The following N4BP2L2 variants were observed in gnomAD, a reference collection of about 807,000 sequenced individuals.
N4BP2L2 encodes the protein NEDD4-binding protein 2-like 2.
N4BP2L2 carries 50 observed loss-of-function variants against 56.2 expected under a neutral mutation model. The ratio of observed to expected loss-of-function variants is 0.89; its 90% CI spans 0.71 to 1.13. The LOEUF (loss-of-function observed/expected upper bound fraction) is 1.13, where lower values mean the gene tolerates loss of function less well. Among genes scored for constraint, N4BP2L2 ranks in the 50% most tolerant of loss-of-function variants. The pLI, the probability that N4BP2L2 is intolerant of heterozygous loss-of-function variation, is 0.00. For missense variants in N4BP2L2, 689 were observed against 693.8 expected (o/e 0.99, Z 0.08); for synonymous variants, 203 against 223.6 (o/e 0.91, Z 0.82).
intron 6 of N4BP2L2, chr13:32,504,384 G>A (rs1236581836): frequency 1.3e-5 from 2 of 152,210 alleles, no homozygotes; most frequent in Admixed American, 6.5e-5. Flanking sequence ...TCCTCAGTTT[G>A]TAGATGGCCT....
exon 2 of N4BP2L2, chr13:32,536,341 C>T (rs1461249649): frequency 1.2e-6 from 2 of 1,614,010 alleles, no homozygotes; most frequent in South Asian, 1.1e-5. Context: ...AATGTGATGG[C>T]ATAGCTTTAT....
At position 32,443,357 on chromosome 13, in the gene N4BP2L2, T is replaced by A; in HGVS notation, c.1135A>T (p.Lys379Ter). Residue 379 changes from lysine (K) to a stop codon, truncating the protein, a stop_gained, in exon 7 of 10, where the codon AAG (lysine) becomes TAG (stop). Coordinates refer to the N4BP2L2 transcript ENST00000357505. LOFTEE classifies it high-confidence loss of function. Reference sequence around the variant, plus strand: ...TTTGGTCTCTGTTCACATATAAACTTATGAGGTCCTGCAGGCCAGCTACCA... The same window carrying A: ...TTTGGTCTCTGTTCACATATAAACTAATGAGGTCCTGCAGGCCAGCTACCA... 6.2e-7 allele frequency: 1 copy of A among 1,614,028 alleles called. No homozygotes were observed. The highest frequency in any genetic ancestry group is 8.5e-7 in the Non-Finnish European group (1 of 1,179,894).
chr13:32,468,939 T>C (rs527866123), intron 6 of N4BP2L2, among the ~76,000 whole-genome samples: 1 of 151,940 alleles, frequency 6.6e-6, no homozygotes, highest in East Asian at 1.9e-4. Flanking sequence ...TGTGTGGGAG[T>C]GGCAGGAGCT....
chr13:32,538,066 G>C (rs1378669982), intron 1 of N4BP2L2, among the ~76,000 whole-genome samples: 2 of 98,410 alleles, frequency 2.0e-5, no homozygotes, highest in Non-Finnish European at 3.9e-5. Flanking sequence ...GGGAGACCCC[G>C]TCTTGGGGGG....
intron 6 of N4BP2L2, among the ~76,000 whole-genome samples, chr13:32,456,531 G>C (rs1308807507): frequency 6.6e-6 from 1 of 152,116 alleles, no homozygotes; most frequent in Non-Finnish European, 1.5e-5. Context: ...GATTCCAGTG[G>C]AAAATAATTT....
intron 6 of N4BP2L2, among the ~76,000 whole-genome samples, chr13:32,494,728 T>C (rs1230761166): frequency 2.0e-5 from 3 of 152,290 alleles, no homozygotes; most frequent in South Asian, 2.1e-4. Context: ...ATCGCGCCAC[T>C]GCACTCCAGC....
At chr13:32,458,954 A>C (rs1303287759) in intron 6 of N4BP2L2, among the ~76,000 whole-genome samples, 1 of 152,226 alleles carries the variant, frequency 6.6e-6, no homozygotes, top group Non-Finnish European at 1.5e-5. Context: ...CTCAGACAAC[A>C]ATGGAATAAA....
chr13:32,443,837 C>G (rs377374833), exon 7 of N4BP2L2: 3 of 1,577,884 alleles, frequency 1.9e-6, no homozygotes, highest in Non-Finnish European at 2.6e-6. Flanking sequence ...TGGAAACTGT[C>G]TTTAGGATCT....
chr13:32,536,763 T>C (rs750023236), exon 2 of N4BP2L2: 8 of 1,614,052 alleles, frequency 5.0e-6, no homozygotes, highest in Middle Eastern at 1.6e-4. Flanking sequence ...TCTGGTCTAT[T>C]ACCAGGCATC....
chr13:32,471,772 A>G (rs703226), intron 6 of N4BP2L2, among the ~76,000 whole-genome samples: 96,294 of 152,114 alleles, frequency 0.63, 30,570 homozygotes, highest in Middle Eastern at 0.71. Flanking sequence ...GTGAGCTGCT[A>G]ATGAAAGAGC....
chr13:32,530,240 A>G (rs2054326641), intron 2 of N4BP2L2, among the ~76,000 whole-genome samples: 1 of 152,206 alleles, frequency 6.6e-6, no homozygotes, highest in South Asian at 2.1e-4. Flanking sequence ...GTTTAACTTG[A>G]AAAGACTTTT....
chr13:32,471,947 C>G (rs1226019842), intron 6 of N4BP2L2, among the ~76,000 whole-genome samples: 1 of 152,214 alleles, frequency 6.6e-6, no homozygotes, highest in Non-Finnish European at 1.5e-5. Flanking sequence ...AAAAATACAT[C>G]ACCCATGAAC....
Position 32,535,876 on chromosome 13 carries a change from T to C in N4BP2L2, c.1152A>G (p.Thr384=), listed in dbSNP as rs572632903. The C allele has an allele frequency of 1.9e-6, 3 of 1,614,180 alleles. No homozygotes were observed. In the South Asian group the frequency reaches 3.3e-5, roughly 18 times the overall value. Residue 384 remains threonine (T), a synonymous_variant, in exon 2 of 6, where the codon ACA becomes ACG. Transcript: ENST00000267068. ...GAAACTGCTGGTTCACAAACCTGTC[T>C]GTTCCATTATGCTTGTCCATACAAT...
intron 6 of N4BP2L2, among the ~76,000 whole-genome samples, chr13:32,475,127 T>C (rs558630190): frequency 6.0e-4 from 91 of 152,344 alleles, no homozygotes; most frequent in African/African-American, 2.0e-3. Flanking sequence ...GAATCAGCAC[T>C]ATAGATAAAT....
intron 6 of N4BP2L2, among the ~76,000 whole-genome samples, chr13:32,467,661 GA>G (rs1422867889): frequency 6.7e-5 from 10 of 149,476 alleles, no homozygotes; most frequent in African/African-American, 9.8e-5. Context: ...AGGTAACAAT[GA>G]AAAAAAAATT....
At chr13:32,448,718 A>G (rs1285418356) in intron 6 of N4BP2L2, among the ~76,000 whole-genome samples, 2 of 152,218 alleles carry the variant, frequency 1.3e-5, no homozygotes, top group Non-Finnish European at 2.9e-5. Flanking sequence ...TCATGAAAAA[A>G]TATAATTAAG....
chr13:32,462,789 G>A (rs957963919), intron 6 of N4BP2L2, among the ~76,000 whole-genome samples: 1 of 148,120 alleles, frequency 6.8e-6, no homozygotes, highest in African/African-American at 2.5e-5. Flanking sequence ...ACTTTGGGAG[G>A]TCAAGGAGGG....
chr13:32,491,877 G>A (rs2087186692), intron 6 of N4BP2L2, among the ~76,000 whole-genome samples: 1 of 152,018 alleles, frequency 6.6e-6, no homozygotes, highest in African/African-American at 2.4e-5. Context: ...TGATCTGCCC[G>A]CTTCGGCGTC....
intron 5 of N4BP2L2, among the ~76,000 whole-genome samples, chr13:32,518,433 C>G (rs2049805431): frequency 6.6e-6 from 1 of 152,082 alleles, no homozygotes; most frequent in Non-Finnish European, 1.5e-5. Context: ...AAATGGGCAA[C>G]ACCAAATTAT....
Sources: gnomAD v4.1 joint callset for allele counts (sites outside exome capture counted in the v4.1 genomes callset) on GRCh38, gnomAD v4.1.1 for gene constraint, MANE v1.5 for transcripts, NCBI Gene and HGNC (gene_info 2026-07-23, HGNC 2026-07-21) for gene names.